CCDC178: variants seen among roughly 807,000 people sequenced by gnomAD.
CCDC178 encodes coiled-coil domain-containing protein 178.
Under a neutral mutation model 117.4 loss-of-function variants are expected in CCDC178, and 126 were observed. The observed-to-expected ratio is 1.07, with a 90% CI of 0.93 to 1.24. The LOEUF (loss-of-function observed/expected upper bound fraction) is 1.24, where lower values mean the gene tolerates loss of function less well. Among genes scored for constraint, CCDC178 ranks in the 50% most tolerant of loss-of-function variants. The probability of loss-of-function intolerance (pLI) is 0.00; values close to 1 mark genes in which losing one functional copy is unlikely to be tolerated. For synonymous variants in CCDC178, 283 were observed against 313.4 expected (o/e 0.90, Z 1.02); for missense variants, 1,030 against 986.9 (o/e 1.04, Z -0.59).
intron 14 of CCDC178, among the ~76,000 whole-genome samples, chr18:33,263,462 G>A: frequency 6.6e-6 from 1 of 151,974 alleles, no homozygotes. Flanking sequence ...CTATTTAAAT[G>A]GTGTATTTAA....
intron 9 of CCDC178, among the ~76,000 whole-genome samples, chr18:33,337,232 C>G (rs577858293): frequency 1.5e-4 from 23 of 151,096 alleles, no homozygotes; most frequent in Admixed American, 5.9e-4. Context: ...GATTTGTGTA[C>G]ATTAATTTTT....
rs952993995 is a variant in CCDC178, at chr18:33,201,798, T to C, written c.2238+10098A>G. Among the ~76,000 whole-genome samples, 3 of 152,174 alleles carry C rather than the reference T, an allele frequency of 2.0e-5. No homozygotes were observed. In the East Asian group the frequency reaches 5.8e-4, roughly 29 times the overall value. ...TTTTTTCTCCTTAAATTTTCCAGTC[T>C]CCCTCTAGTGCCCCCTATTGGCAAA... On this transcript the variant is annotated intron_variant, in intron 20 of 22. Transcript: ENST00000383096.
intron 19 of CCDC178, among the ~76,000 whole-genome samples, chr18:33,215,249 T>C (rs1356289114): frequency 6.6e-6 from 1 of 152,042 alleles, no homozygotes; most frequent in East Asian, 1.9e-4. Context: ...TAAATACTGA[T>C]ACATCTGAAA....
chr18:33,389,936 A>C (rs549171150), intron 4 of CCDC178, among the ~76,000 whole-genome samples: 60 of 151,260 alleles, frequency 4.0e-4, no homozygotes, highest in African/African-American at 1.4e-3. Flanking sequence ...TTAGCAAGGC[A>C]GAGATTTGTG....
intron 19 of CCDC178, among the ~76,000 whole-genome samples, chr18:33,213,051 T>C (rs1020711162): frequency 2.0e-5 from 3 of 151,988 alleles, no homozygotes; most frequent in Non-Finnish European, 4.4e-5. Flanking sequence ...TAAACTAATA[T>C]CTCTGCTTTT....
At chr18:33,232,561 G>A (rs943124651) in intron 15 of CCDC178, among the ~76,000 whole-genome samples, 1 of 152,160 alleles carries the variant, frequency 6.6e-6, no homozygotes, top group Non-Finnish European at 1.5e-5. Context: ...GGTATCTCTG[G>A]CTATGGTTGT....
At chr18:33,117,272 T>C (rs1252865216) in intron 20 of CCDC178, among the ~76,000 whole-genome samples, 3 of 152,138 alleles carry the variant, frequency 2.0e-5, no homozygotes, top group Admixed American at 2.0e-4. Flanking sequence ...GCCTCTTTTC[T>C]CAACCACGCC....
intron 15 of CCDC178, among the ~76,000 whole-genome samples, chr18:33,235,332 C>T (rs967882357): frequency 6.6e-6 from 1 of 152,086 alleles, no homozygotes; most frequent in Admixed American, 6.5e-5. Context: ...TTAACTGAAT[C>T]TTTGTTGGTC....
chr18:33,436,280 C>T lies in CCDC178; in HGVS notation c.-23+3682G>A, dbSNP rs118125337. 3.7e-4 allele frequency among the ~76,000 whole-genome samples: 56 copies of T among 152,132 alleles called. 1 individual carries two copies. The East Asian group carries it at 0.01, about 28-fold the overall frequency. ...TCATCTAGCAGAAGGTCATGAATGA[C>T]CTTAACACAAACATTTCCCATAAAT... On this transcript the variant is annotated intron_variant, in intron 2 of 22. Transcript: ENST00000383096.
intron 22 of CCDC178, among the ~76,000 whole-genome samples, chr18:32,955,895 C>T (rs2054583568): frequency 6.6e-6 from 1 of 152,126 alleles, no homozygotes; most frequent in Admixed American, 6.6e-5. Flanking sequence ...AACATAGTCT[C>T]TATTCTGTTT....
intron 20 of CCDC178, among the ~76,000 whole-genome samples, chr18:33,147,141 CTT>C (rs963180337): frequency 8.5e-6 from 1 of 117,368 alleles, no homozygotes. Context: ...TAGCTGATTT[CTT>C]TTTTTTTTTT....
chr18:33,124,249 A>G (rs2057974112), intron 20 of CCDC178, among the ~76,000 whole-genome samples: 1 of 152,132 alleles, frequency 6.6e-6, no homozygotes, highest in Non-Finnish European at 1.5e-5. Flanking sequence ...ACAAACTACA[A>G]TGCACTATGG....
chr18:33,162,763 C>A (rs994769915), intron 20 of CCDC178, among the ~76,000 whole-genome samples: 4 of 152,052 alleles, frequency 2.6e-5, no homozygotes, highest in African/African-American at 9.7e-5. Context: ...AGACATGATG[C>A]CATTCTTTTT....
At chr18:32,998,000 T>A (rs1346476728) in intron 21 of CCDC178, among the ~76,000 whole-genome samples, 1 of 152,222 alleles carries the variant, frequency 6.6e-6, no homozygotes, top group African/African-American at 2.4e-5. Flanking sequence ...AAATGTACCT[T>A]CATAAGAACC....
chr18:33,342,888 A>G (rs1193955993), intron 9 of CCDC178, among the ~76,000 whole-genome samples: 2 of 152,220 alleles, frequency 1.3e-5, no homozygotes. Flanking sequence ...AAGATTTAAC[A>G]TTCCATTAAT....
chr18:33,406,426 T>TATGA (rs962367576), intron 3 of CCDC178, among the ~76,000 whole-genome samples: 3 of 152,016 alleles, frequency 2.0e-5, no homozygotes, highest in African/African-American at 7.2e-5. Flanking sequence ...AAATATTTCA[T>TATGA]AATATGAAAG....
intron 21 of CCDC178, among the ~76,000 whole-genome samples, chr18:33,086,836 C>G (rs906288209): frequency 3.9e-5 from 6 of 151,964 alleles, no homozygotes; most frequent in Admixed American, 1.3e-4. Flanking sequence ...AGGGACTGTC[C>G]TGTGCATTGT....
At chr18:33,149,811 T>C (rs1335578348) in intron 20 of CCDC178, among the ~76,000 whole-genome samples, 1 of 152,146 alleles carries the variant, frequency 6.6e-6, no homozygotes, top group Non-Finnish European at 1.5e-5. Context: ...CATGGCTCGC[T>C]CTCATTAAAC....
At chr18:33,098,951 A>G (rs2057584332) in intron 20 of CCDC178, among the ~76,000 whole-genome samples, 1 of 152,116 alleles carries the variant, frequency 6.6e-6, no homozygotes, top group South Asian at 2.1e-4. Flanking sequence ...GGAACAGCAT[A>G]AACAAAAAGC....
Sources: gnomAD v4.1 joint callset for allele counts (sites outside exome capture counted in the v4.1 genomes callset) on GRCh38, gnomAD v4.1.1 for gene constraint, MANE v1.5 for transcripts, NCBI Gene and HGNC (gene_info 2026-07-23, HGNC 2026-07-21) for gene names.